Variants in AKAP7 observed in about 807,000 individuals in gnomAD.
AKAP7 encodes A kinase (PRKA) anchor protein 7.
AKAP7 carries 39 observed loss-of-function variants against 39.5 expected under a neutral mutation model. That is an observed-to-expected ratio of 0.99 (90% confidence interval 0.76 to 1.29). The LOEUF (loss-of-function observed/expected upper bound fraction) is 1.29, where lower values mean the gene tolerates loss of function less well. Ranked by LOEUF, AKAP7 falls within the 50% of genes most tolerant of loss-of-function variation. The pLI is 0.00. For synonymous variants in AKAP7, 140 were observed against 139.1 expected (o/e 1.01, Z -0.05); for missense variants, 414 against 407.7 (o/e 1.02, Z -0.13).
chr6:131,126,769 C>A, the AKAP7 span, among the ~76,000 whole-genome samples: 2 of 152,144 alleles, frequency 1.3e-5, no homozygotes, highest in Non-Finnish European at 2.9e-5. Flanking sequence ...GCTCCATTAG[C>A]CTTCCCTGCT....
upstream of AKAP7, among the ~76,000 whole-genome samples, chr6:131,132,299 C>G (rs1227675590): frequency 7.3e-6 from 1 of 136,764 alleles, no homozygotes; most frequent in African/African-American, 2.7e-5. Flanking sequence ...GGCGACAGAG[C>G]GAGATTCCGT....
Position 131,219,682 on chromosome 6 carries a change from G to T in AKAP7, c.724G>T (p.Asp242Tyr). The T allele has an allele frequency of 6.3e-7, 1 of 1,595,998 alleles. No homozygotes were observed. Among genetic ancestry groups the T allele is most frequent in the South Asian group, 1.1e-5 (1 of 87,350 alleles). Residue 242 changes from aspartate (D) to tyrosine (Y), a missense_variant, in exon 7 of 8, where the codon GAT becomes TAT. Coordinates refer to ENST00000431975, the MANE Select transcript of AKAP7 (RefSeq NM_016377.4). ...CAAGGGAGTGAAAAAAATAGATCCT[G>T]ATTTATATGAAAAGTTTATCAGTCA... ...RKNGVKKIDP[D>Y]LYEKFISHRF...
At chr6:131,239,063 GTT>G (rs1259611880) in intron 7 of AKAP7, among the ~76,000 whole-genome samples, 2 of 152,164 alleles carry the variant, frequency 1.3e-5, no homozygotes, top group African/African-American at 4.8e-5. Context: ...TCCTTTCCAT[GTT>G]TAGTGCTTCC....
intron 5 of AKAP7, among the ~76,000 whole-genome samples, chr6:131,173,423 C>A (rs755009613): frequency 1.4e-4 from 21 of 152,044 alleles, no homozygotes; most frequent in Non-Finnish European, 2.5e-4. Context: ...TCATACCTGG[C>A]TTCATGTTAT....
At chr6:131,172,383 T>G (rs1315199900) in intron 5 of AKAP7, among the ~76,000 whole-genome samples, 1 of 152,154 alleles carries the variant, frequency 6.6e-6, no homozygotes, top group African/African-American at 2.4e-5. Flanking sequence ...AGAGTCTTGC[T>G]CTGTCACCCA....
Position 131,161,123 on chromosome 6 carries a change from A to G in AKAP7, c.291+925A>G, listed in dbSNP as rs768388806. On this transcript the variant is annotated intron_variant, in intron 3 of 7. Coordinates refer to ENST00000431975, the MANE Select transcript of AKAP7 (RefSeq NM_016377.4). ...AGGGAATGCTAACAAATTGTTAAAA[A>G]TCAAATCAAAATTAAAATGAAAGAA... Among the ~76,000 whole-genome samples the G allele has an allele frequency of 2.0e-5, 3 of 152,246 alleles. No individual in the cohort carries two copies. In the South Asian group the frequency reaches 6.2e-4, roughly 31 times the overall value.
At chr6:131,253,414 G>T (rs763985809) in intron 7 of AKAP7, among the ~76,000 whole-genome samples, 1 of 152,132 alleles carries the variant, frequency 6.6e-6, no homozygotes, top group East Asian at 1.9e-4. Context: ...TCAAATCAGG[G>T]CAATTAGGAT....
intron 7 of AKAP7, among the ~76,000 whole-genome samples, chr6:131,235,964 C>T (rs1811018540): frequency 6.6e-6 from 1 of 152,204 alleles, no homozygotes; most frequent in Non-Finnish European, 1.5e-5. Flanking sequence ...GTGTTTTAGA[C>T]ATGAAGTCCT....
At chr6:131,267,421 G>A (rs531539893) in intron 7 of AKAP7, among the ~76,000 whole-genome samples, 129 of 152,212 alleles carry the variant, frequency 8.5e-4, no homozygotes, top group Non-Finnish European at 1.7e-3. Flanking sequence ...TTCACAGGTT[G>A]AAATAAGCAA....
intron 5 of AKAP7, among the ~76,000 whole-genome samples, chr6:131,174,317 T>C (rs1434470666): frequency 6.6e-6 from 1 of 152,260 alleles, no homozygotes; most frequent in Non-Finnish European, 1.5e-5. Flanking sequence ...ATTGGGGACT[T>C]ACTGTGTCAG....
chr6:131,159,987 C>CT lies in AKAP7; in HGVS notation c.152-70dup, dbSNP rs1476785614. The CT allele has an allele frequency of 1.4e-4, 186 of 1,326,474 alleles. 1 individual carries two copies. In the African/African-American group the frequency reaches 2.6e-3, roughly 19 times the overall value. The allele number at this position is 1,326,474 out of a possible 1,614,324, so 82.2% of individuals were successfully genotyped here. ...ATGAATGATTGCTACTTATATATTG[C>CT]TTGTTTTTTTTTCTGACTGTATTAT... On this transcript the variant is annotated intron_variant, in intron 2 of 7. Coordinates refer to ENST00000431975, the MANE Select transcript of AKAP7 (RefSeq NM_016377.4).
chr6:131,265,145 T>C (rs973387051), intron 7 of AKAP7, among the ~76,000 whole-genome samples: 15 of 152,046 alleles, frequency 9.9e-5, no homozygotes, highest in South Asian at 2.1e-4. Context: ...ATTTTCTTTC[T>C]TTTTTTTGAG....
chr6:131,204,725 A>G lies in AKAP7; in HGVS notation c.702+5152A>G, dbSNP rs1807924759. ...GAGCAAAGTTAGGTGCCCCATGACA[A>G]TGCAGGAGTGAGGGGCAGCCACCGG... is the stretch of plus-strand genomic sequence containing the variant. On this transcript the variant is annotated intron_variant, in intron 6 of 7. Transcript: ENST00000431975. 2.0e-5 allele frequency among the ~76,000 whole-genome samples: 3 copies of G among 152,172 alleles called. No homozygotes were observed. The South Asian group carries it at 6.2e-4, about 32-fold the overall frequency.
At chr6:131,257,367 C>CAAAAAA (rs10712918) in intron 7 of AKAP7, among the ~76,000 whole-genome samples, 1 of 89,604 alleles carries the variant, frequency 1.1e-5, no homozygotes, top group East Asian at 3.8e-4. Flanking sequence ...GGCCTTGTCT[C>CAAAAAA]AAAAAAAAAA....
At chr6:131,158,768 A>C (rs1009418001) in intron 2 of AKAP7, among the ~76,000 whole-genome samples, 1 of 151,996 alleles carries the variant, frequency 6.6e-6, no homozygotes, top group Non-Finnish European at 1.5e-5. Context: ...CAGCCTCCCA[A>C]AGTGCTGGGA....
At chr6:131,149,446 C>T (rs1026946775) in intron 2 of AKAP7, among the ~76,000 whole-genome samples, 2 of 152,152 alleles carry the variant, frequency 1.3e-5, no homozygotes, top group Non-Finnish European at 2.9e-5. Context: ...ACCAGCCTGG[C>T]CAACATGGTG....
At chr6:131,169,347 T>G in intron 5 of AKAP7, 74 bp downstream of exon 5, 1 of 1,510,976 alleles carries the variant, frequency 6.6e-7, no homozygotes, top group South Asian at 1.2e-5. Context: ...TAACAGAGAC[T>G]TGACATTTTT....
At chr6:131,152,342 T>A (rs1028359677) in intron 2 of AKAP7, among the ~76,000 whole-genome samples, 3 of 152,242 alleles carry the variant, frequency 2.0e-5, no homozygotes, top group African/African-American at 7.2e-5. Flanking sequence ...TACATAAATA[T>A]TTTGTTCCTT....
chr6:131,157,493 T>A (rs1283424093), intron 2 of AKAP7, among the ~76,000 whole-genome samples: 1 of 152,270 alleles, frequency 6.6e-6, no homozygotes, highest in Non-Finnish European at 1.5e-5. Flanking sequence ...TTCATTAGCA[T>A]ATTTTGTTAC....
Sources: gnomAD v4.1 joint callset for allele counts (sites outside exome capture counted in the v4.1 genomes callset) on GRCh38, gnomAD v4.1.1 for gene constraint, MANE v1.5 for transcripts, NCBI Gene and HGNC (gene_info 2026-07-23, HGNC 2026-07-21) for gene names.